Variants in TCF7L1 observed in about 807,000 individuals in gnomAD.
The protein encoded by TCF7L1 is transcription factor 7 like 1.
In TCF7L1, 18 loss-of-function variants were observed where a neutral mutation model predicts 63.7. That is an observed-to-expected ratio of 0.28 (90% confidence interval 0.20 to 0.42). The LOEUF (loss-of-function observed/expected upper bound fraction) is 0.42. Ranked by LOEUF, TCF7L1 falls within the 10% of genes least tolerant of loss-of-function variation. The probability of loss-of-function intolerance (pLI) is 1.00; values close to 1 mark genes in which losing one functional copy is unlikely to be tolerated. For synonymous variants in TCF7L1, 355 were observed against 340.9 expected (o/e 1.04, Z -0.46); for missense variants, 654 against 779.3 (o/e 0.84, Z 1.91).
intron 4 of TCF7L1, among the ~76,000 whole-genome samples, chr2:85,291,495 G>A (rs1681714959): frequency 6.6e-6 from 1 of 152,112 alleles, no homozygotes; most frequent in Non-Finnish European, 1.5e-5. Flanking sequence ...AGCCTCACCG[G>A]AAGCACCTTT....
intron 4 of TCF7L1, 111 bp downstream of exon 4, chr2:85,283,689 A>ACTGTACTCACACATTTGAGG: frequency 8.3e-7 from 1 of 1,207,476 alleles, no homozygotes; most frequent in Non-Finnish European, 1.2e-6. Flanking sequence ...GTGTTTCCTC[A>ACTGTACTCACACATTTGAGG]AATGTGTGAG....
chr2:85,302,879 T>C (rs1000323958), intron 5 of TCF7L1, among the ~76,000 whole-genome samples: 8 of 152,170 alleles, frequency 5.3e-5, no homozygotes, highest in Non-Finnish European at 7.4e-5. Flanking sequence ...CCATAGGCAG[T>C]GTGTGGGGTG....
chr2:85,298,505 A>G (rs895282978), intron 4 of TCF7L1, among the ~76,000 whole-genome samples: 1 of 143,690 alleles, frequency 7.0e-6, no homozygotes, highest in African/African-American at 2.6e-5. Flanking sequence ...AAAAAAAAGC[A>G]TGTGAGAGAG....
intron 3 of TCF7L1, among the ~76,000 whole-genome samples, chr2:85,227,227 G>A (rs1042900402): frequency 6.6e-6 from 1 of 152,020 alleles, no homozygotes; most frequent in African/African-American, 2.4e-5. Flanking sequence ...TTTGCACTTA[G>A]CTCCGCTCAC....
intron 3 of TCF7L1, among the ~76,000 whole-genome samples, chr2:85,181,407 G>C (rs1678803392): frequency 6.6e-6 from 1 of 152,212 alleles, no homozygotes; most frequent in South Asian, 2.1e-4. Flanking sequence ...CCAGAGGTAC[G>C]GGTGTGCCTC....
rs558392338 is a variant in TCF7L1 at position 85,149,548 on chromosome 2, TAG to T, written c.441+15101_441+15102del. 2.8e-4 allele frequency among the ~76,000 whole-genome samples: 43 copies of T among 152,174 alleles called. 2 individuals are homozygous for T. The East Asian group carries it at 8.3e-3, about 29-fold the overall frequency. The stretch of plus-strand genomic sequence containing the variant: ...CTTTCTGTAACTTTTTTTTTTGAGA[TAG>T]AGTCTGGCTGCAACGCCCAGGCTGG... On this transcript the variant is annotated intron_variant, in intron 3 of 11. Transcript: ENST00000282111.
At chr2:85,184,501 G>A (rs1678870574) in intron 3 of TCF7L1, among the ~76,000 whole-genome samples, 3 of 152,160 alleles carry the variant, frequency 2.0e-5, no homozygotes, top group Non-Finnish European at 2.9e-5. Flanking sequence ...CAGGAAATAG[G>A]TCTATAGTCC....
At chr2:85,255,621 GC>G (rs1322941401) in intron 3 of TCF7L1, among the ~76,000 whole-genome samples, 2 of 152,182 alleles carry the variant, frequency 1.3e-5, no homozygotes, top group African/African-American at 4.8e-5. Flanking sequence ...GGCTGGGTCT[GC>G]GAGGCCTGCC....
At chr2:85,231,505 C>T (rs1335109856) in intron 3 of TCF7L1, among the ~76,000 whole-genome samples, 1 of 152,210 alleles carries the variant, frequency 6.6e-6, no homozygotes, top group Non-Finnish European at 1.5e-5. Context: ...TCACCTTCCT[C>T]ACACTGATGG....
chr2:85,263,855 G>A (rs1680911977), intron 3 of TCF7L1, among the ~76,000 whole-genome samples: 1 of 152,264 alleles, frequency 6.6e-6, no homozygotes, highest in African/African-American at 2.4e-5. Context: ...CTGAGGAGCG[G>A]CTGGAGGAGT....
At chr2:85,168,278 G>A (rs1358790881) in intron 3 of TCF7L1, among the ~76,000 whole-genome samples, 1 of 151,964 alleles carries the variant, frequency 6.6e-6, no homozygotes, top group Admixed American at 6.5e-5. Flanking sequence ...CCTGACCATG[G>A]TGATGGTATT....
intron 3 of TCF7L1, among the ~76,000 whole-genome samples, chr2:85,173,753 C>CTTTCTTTTTTTTTTTTTTTTTTTT (rs1320127308): frequency 1.4e-5 from 2 of 144,674 alleles, no homozygotes; most frequent in African/African-American, 5.1e-5. Flanking sequence ...CTTTTTTTTT[C>CTTTCTTTTTTTTTTTTTTTTTTTT]TGAGACGGAG....
chr2:85,288,432 G>A (rs1681611934), intron 4 of TCF7L1, among the ~76,000 whole-genome samples: 1 of 152,180 alleles, frequency 6.6e-6, no homozygotes. Context: ...CAGGCTAGAC[G>A]TGTGAGCAGA....
At chr2:85,238,616 G>A (rs1680249387) in intron 3 of TCF7L1, among the ~76,000 whole-genome samples, 1 of 152,052 alleles carries the variant, frequency 6.6e-6, no homozygotes, top group Non-Finnish European at 1.5e-5. Context: ...CAAAGTCTAT[G>A]CCCTCATGGA....
rs968192222 is a variant in TCF7L1 at position 85,282,376 on chromosome 2, G to A, written c.442-1119G>A. Among the ~76,000 whole-genome samples the A allele has an allele frequency of 2.0e-5, 3 of 152,246 alleles. No individual in the cohort carries two copies. The East Asian group carries it at 5.8e-4, about 29-fold the overall frequency. ...GGAGTCTCAAGAATTCTGCAAAGAG[G>A]CTGCTTGCGGGTCTGTTGCCCAGAA... On this transcript the variant is annotated intron_variant, in intron 3 of 11. Transcript: ENST00000282111.
rs898368316 is a variant in TCF7L1 at position 85,147,333 on chromosome 2, G to C, written c.441+12883G>C. On this transcript the variant is annotated intron_variant, in intron 3 of 11. Transcript: ENST00000282111. The stretch of plus-strand genomic sequence containing the variant: ...AATACTCTCACCCTGTCCTCACTCT[G>C]TGGAATCTTCCATACAACCCGAACT... Among the ~76,000 whole-genome samples the C allele has an allele frequency of 3.3e-5, 5 of 152,130 alleles. No homozygotes were observed. The East Asian group carries it at 9.6e-4, about 29-fold the overall frequency.
chr2:85,194,052 G>T (rs1481150325), intron 3 of TCF7L1, among the ~76,000 whole-genome samples: 1 of 152,034 alleles, frequency 6.6e-6, no homozygotes, highest in East Asian at 1.9e-4. Flanking sequence ...ATGGAGAGGG[G>T]TGGGGCAGAA....
At position 85,198,215 on chromosome 2, in the gene TCF7L1, C is replaced by G. The variant is rs115558727; in HGVS notation, c.441+63765C>G. ...GGTTTTATTAGCTTTTAGTAAAAGG[C>G]GACATTGTGAAGAAACCCAGATTAG... On this transcript the variant is annotated intron_variant, in intron 3 of 11. Transcript: ENST00000282111. 6.7e-3 allele frequency among the ~76,000 whole-genome samples: 1,025 copies of G among 152,236 alleles called. 11 individuals carry two copies. The highest frequency in any genetic ancestry group is 0.024 in the African/African-American group (980 of 41,528).
chr2:85,181,937 T>C (rs78109461), intron 3 of TCF7L1, among the ~76,000 whole-genome samples: 7,857 of 152,026 alleles, frequency 0.052, 252 homozygotes, highest in African/African-American at 0.089. Flanking sequence ...CATGTTTCAA[T>C]AGGGAGGGAG....
Sources: gnomAD v4.1 joint callset for allele counts (sites outside exome capture counted in the v4.1 genomes callset) on GRCh38, gnomAD v4.1.1 for gene constraint, MANE v1.5 for transcripts, NCBI Gene and HGNC (gene_info 2026-07-23, HGNC 2026-07-21) for gene names.